Variants in UTRN observed in about 807,000 individuals in gnomAD.
UTRN encodes the protein dystrophin-related protein 1.
UTRN carries 283 observed loss-of-function variants against 463.9 expected under a neutral mutation model. The observed-to-expected ratio is 0.61, with a 90% CI of 0.55 to 0.67. The LOEUF is 0.67. UTRN is among the 30% of genes least tolerant of loss of function. The pLI, the probability that UTRN is intolerant of heterozygous loss-of-function variation, is 0.00. For missense variants in UTRN, 3,922 were observed against 4,084.3 expected (o/e 0.96, Z 1.08); for synonymous variants, 1,442 against 1,431.5 (o/e 1.01, Z -0.17).
At chr6:144,455,062 T>C (rs1217049205) in intron 19 of UTRN, among the ~76,000 whole-genome samples, 1 of 151,208 alleles carries the variant, frequency 6.6e-6, no homozygotes, top group Non-Finnish European at 1.5e-5. Context: ...GATATGTGTA[T>C]ACACACACAC....
chr6:144,419,311 G>A (rs1207691125), intron 3 of UTRN, among the ~76,000 whole-genome samples: 2 of 152,158 alleles, frequency 1.3e-5, no homozygotes, highest in Non-Finnish European at 2.9e-5. Flanking sequence ...CTTTGTCCCT[G>A]AATCTATCGC....
At chr6:144,796,653 T>C (rs2128744932) in intron 63 of UTRN, among the ~76,000 whole-genome samples, 1 of 152,284 alleles carries the variant, frequency 6.6e-6, no homozygotes, top group African/African-American at 2.4e-5. Flanking sequence ...TTACTGCATA[T>C]AAAGACATTT....
At chr6:144,713,290 A>G (rs1361577559) in intron 53 of UTRN, among the ~76,000 whole-genome samples, 1 of 152,140 alleles carries the variant, frequency 6.6e-6, no homozygotes, top group African/African-American at 2.4e-5. Context: ...GAAGGAATAC[A>G]TTTATGTGTG....
intron 2 of UTRN, among the ~76,000 whole-genome samples, chr6:144,359,743 G>A (rs1778881433): frequency 7.6e-6 from 1 of 131,082 alleles, no homozygotes; most frequent in Middle Eastern, 4.0e-3. Flanking sequence ...TTCTTTTTTA[G>A]TTACTCTGCC....
intron 35 of UTRN, among the ~76,000 whole-genome samples, 197 bp downstream of exon 35, chr6:144,511,320 C>T (rs1488016313): frequency 3.3e-5 from 5 of 152,084 alleles, no homozygotes; most frequent in East Asian, 1.9e-4. Flanking sequence ...TACAGTGTTT[C>T]TAAATATTCA....
intron 45 of UTRN, among the ~76,000 whole-genome samples, chr6:144,540,428 G>T (rs1380586741): frequency 3.3e-5 from 5 of 152,134 alleles, no homozygotes; most frequent in African/African-American, 1.2e-4. Flanking sequence ...TAATGATGCA[G>T]GTGCTTTATT....
At chr6:144,457,655 G>C (rs894138508) in intron 19 of UTRN, among the ~76,000 whole-genome samples, 2 of 152,122 alleles carry the variant, frequency 1.3e-5, no homozygotes, top group African/African-American at 4.8e-5. Context: ...GTGAACTTCT[G>C]CAATTGACAT....
chr6:144,653,688 A>G (rs998395499), intron 51 of UTRN, among the ~76,000 whole-genome samples: 3 of 152,036 alleles, frequency 2.0e-5, no homozygotes, highest in African/African-American at 4.8e-5. Flanking sequence ...TTTCATGGAC[A>G]TATAGATTGT....
At chr6:144,426,007 T>C (rs924709354) in intron 6 of UTRN, among the ~76,000 whole-genome samples, 19 of 152,220 alleles carry the variant, frequency 1.2e-4, no homozygotes, top group African/African-American at 4.3e-4. Flanking sequence ...GTTATGTTCA[T>C]TGTAACCAAA....
Position 144,638,650 on chromosome 6 carries a change from A to G in UTRN, c.7480-39756A>G, listed in dbSNP as rs567598069. Among the ~76,000 whole-genome samples, 4 of 152,330 alleles carry G rather than the reference A, an allele frequency of 2.6e-5. No individual in the cohort carries two copies. The East Asian group carries it at 7.7e-4, about 29-fold the overall frequency. On this transcript the variant is annotated intron_variant, in intron 51 of 74. Transcript: ENST00000367545. ...TATCTGTTTGGAAAATTACATCAGA[A>G]TTGATTTTCAATTAATCAAAGTTAC...
intron 2 of UTRN, among the ~76,000 whole-genome samples, chr6:144,294,734 G>A (rs1054077559): frequency 6.6e-6 from 1 of 152,030 alleles, no homozygotes; most frequent in African/African-American, 2.4e-5. Context: ...TTAAGTTATT[G>A]TGATTATTTT....
intron 31 of UTRN, 72 bp downstream of exon 31, chr6:144,490,271 G>C (rs556980463): frequency 6.5e-7 from 1 of 1,545,808 alleles, no homozygotes; most frequent in Non-Finnish European, 8.7e-7. Flanking sequence ...AGAAAGAATT[G>C]ATTACTTGGG....
rs758552536 is a variant in UTRN at position 144,539,423 on chromosome 6, G to A, written c.6499G>A (p.Val2167Ile). ...RDKISESLRT[V>I]NMTWNKICRE... ...TAAAATTTCAGAAAGCTTAAGGACT[G>A]TAAATATGACATGGAATAAGGTGTG... The change falls in exon 45 of 75, where the codon GTA becomes ATA. Residue 2167 changes from valine to isoleucine, a missense_variant. Transcript: ENST00000367545. 1 of 1,607,932 alleles carries A rather than the reference G, an allele frequency of 6.2e-7. No individual in the cohort carries two copies. The highest frequency in any genetic ancestry group is 1.1e-5 in the South Asian group (1 of 89,690).
chr6:144,668,647 G>T (rs1780672865), intron 51 of UTRN, among the ~76,000 whole-genome samples: 1 of 152,048 alleles, frequency 6.6e-6, no homozygotes, highest in African/African-American at 2.4e-5. Context: ...CCTTCTAGGT[G>T]GGTCTTCACC....
chr6:144,505,612 G>T (rs563791798), intron 34 of UTRN, among the ~76,000 whole-genome samples: 2 of 152,360 alleles, frequency 1.3e-5, no homozygotes, highest in African/African-American at 4.8e-5. Context: ...ACTGTGGTCT[G>T]AGAGACTGTT....
At chr6:144,620,608 G>C (rs757205502) in intron 51 of UTRN, among the ~76,000 whole-genome samples, 1 of 151,754 alleles carries the variant, frequency 6.6e-6, no homozygotes, top group Non-Finnish European at 1.5e-5. Context: ...TCCATCTCTT[G>C]TACATCTCTA....
chr6:144,535,632 G>A (rs1300615601), intron 43 of UTRN, among the ~76,000 whole-genome samples: 1 of 152,146 alleles, frequency 6.6e-6, no homozygotes, highest in Non-Finnish European at 1.5e-5. Flanking sequence ...TTCACCTTAG[G>A]TTGGTAGTCT....
chr6:144,558,903 A>T (rs1799617998), intron 50 of UTRN, among the ~76,000 whole-genome samples: 1 of 152,178 alleles, frequency 6.6e-6, no homozygotes. Context: ...TATACGTATT[A>T]CAGTAAGTAC....
chr6:144,339,970 C>T (rs1777019794), intron 2 of UTRN, among the ~76,000 whole-genome samples: 1 of 152,120 alleles, frequency 6.6e-6, no homozygotes, highest in African/African-American at 2.4e-5. Context: ...GAGTTTGAGA[C>T]CAGCCTGACC....
Sources: gnomAD v4.1 joint callset for allele counts (sites outside exome capture counted in the v4.1 genomes callset) on GRCh38, gnomAD v4.1.1 for gene constraint, MANE v1.5 for transcripts, NCBI Gene and HGNC (gene_info 2026-07-23, HGNC 2026-07-21) for gene names.